ARHGAP20: variants seen among roughly 807,000 people sequenced by gnomAD.
ARHGAP20 encodes rho GTPase-activating protein 20.
ARHGAP20 carries 34 observed loss-of-function variants against 73.7 expected under a neutral mutation model. The observed-to-expected ratio is 0.46, with a 90% CI of 0.35 to 0.61. ARHGAP20 has a LOEUF of 0.61. Ranked by LOEUF, ARHGAP20 falls within the 20% of genes least tolerant of loss-of-function variation. The probability of loss-of-function intolerance (pLI) is 0.00; values close to 1 mark genes in which losing one functional copy is unlikely to be tolerated. For missense variants in ARHGAP20, 1,314 were observed against 1,420.9 expected (o/e 0.92, Z 1.21); for synonymous variants, 523 against 518.2 (o/e 1.01, Z -0.13).
rs142391729 is a variant in ARHGAP20, at chr11:110,703,146, T to C, written c.105+8981A>G. On this transcript the variant is annotated intron_variant, in intron 1 of 14. Coordinates refer to ENST00000683387, the MANE Select transcript of ARHGAP20 (RefSeq NM_001384657.1). ...GGTCTGTGATAAATATGATCTTCTA[T>C]TTACCCATAAATCATCCCAACCAGG... is the stretch of plus-strand genomic sequence containing the variant. 2.6e-3 allele frequency among the ~76,000 whole-genome samples: 403 copies of C among 152,242 alleles called. 1 individual carries two copies. The highest frequency in any genetic ancestry group is 9.3e-3 in the African/African-American group (388 of 41,556).
intron 8 of ARHGAP20, among the ~76,000 whole-genome samples, chr11:110,607,430 C>A (rs1244453805): frequency 6.6e-6 from 1 of 152,064 alleles, no homozygotes; most frequent in Non-Finnish European, 1.5e-5. Context: ...AAAACTAAAC[C>A]CTGGACATCT....
intron 1 of ARHGAP20, among the ~76,000 whole-genome samples, chr11:110,692,273 C>A (rs1396905283): frequency 6.6e-6 from 1 of 152,098 alleles, no homozygotes; most frequent in Admixed American, 6.6e-5. Context: ...TGTGAAGAGT[C>A]TCAATACTGA....
intron 2 of ARHGAP20, among the ~76,000 whole-genome samples, chr11:110,685,830 A>G (rs935901060): frequency 6.6e-6 from 1 of 152,196 alleles, no homozygotes; most frequent in Non-Finnish European, 1.5e-5. Context: ...GTCAATAAAT[A>G]AAACACTATT....
At chr11:110,662,355 A>G (rs1784808736) in intron 2 of ARHGAP20, among the ~76,000 whole-genome samples, 1 of 151,978 alleles carries the variant, frequency 6.6e-6, no homozygotes, top group African/African-American at 2.4e-5. Flanking sequence ...AATAAAATTA[A>G]AACAAATTAA....
chr11:110,600,408 C>CGTG (rs1948081994), intron 9 of ARHGAP20, among the ~76,000 whole-genome samples: 1 of 152,216 alleles, frequency 6.6e-6, no homozygotes, highest in African/African-American at 2.4e-5. Flanking sequence ...TCACAGACAG[C>CGTG]CAGCACCCAT....
In ARHGAP20 at chr11:110,614,398, A is replaced by C. The variant is rs1376592084; in HGVS notation, c.630+163T>G. On this transcript the variant is annotated intron_variant, in intron 6 of 14. Coordinates refer to ENST00000683387, the MANE Select transcript of ARHGAP20 (RefSeq NM_001384657.1). The stretch of plus-strand genomic sequence containing the variant: ...TTCATATATATGAAGACATACATAT[A>C]ACCAGGAAAATGCATTTTCCCCCTG... Among the ~76,000 whole-genome samples the C allele has an allele frequency of 1.3e-5, 2 of 152,200 alleles. 1 individual carries two copies. Among genetic ancestry groups the C allele is most frequent in the Non-Finnish European group, 2.9e-5 (2 of 68,032 alleles).
At chr11:110,615,011 G>T (rs1348496794) in intron 5 of ARHGAP20, among the ~76,000 whole-genome samples, 2 of 152,160 alleles carry the variant, frequency 1.3e-5, no homozygotes, top group Non-Finnish European at 2.9e-5. Flanking sequence ...CCAAAGCAAT[G>T]ACCTTGTACT....
chr11:110,687,105 C>CAT (rs1300191780), intron 2 of ARHGAP20, among the ~76,000 whole-genome samples: 5 of 148,344 alleles, frequency 3.4e-5, no homozygotes, highest in African/African-American at 1.3e-4. Context: ...CACACACACA[C>CAT]ATATATTTTA....
At chr11:110,712,004 A>G in intron 1 of ARHGAP20, 123 bp downstream of exon 1, 6 of 1,239,450 alleles carry the variant, frequency 4.8e-6, no homozygotes, top group South Asian at 4.0e-5. Context: ...AGGGGCCGCG[A>G]GCCTCGAGCG....
intron 1 of ARHGAP20, among the ~76,000 whole-genome samples, chr11:110,698,522 T>G (rs1174478313): frequency 1.3e-5 from 2 of 151,862 alleles, no homozygotes; most frequent in African/African-American, 4.8e-5. Context: ...TTTGATAAAA[T>G]TCAACTGTGA....
At chr11:110,650,032 T>C (rs1389383902) in intron 2 of ARHGAP20, among the ~76,000 whole-genome samples, 1 of 152,196 alleles carries the variant, frequency 6.6e-6, no homozygotes, top group African/African-American at 2.4e-5. Flanking sequence ...AAAATCTCTG[T>C]GTCCCTGGTA....
chr11:110,606,978 A>C (rs564784336), intron 8 of ARHGAP20, among the ~76,000 whole-genome samples: 1 of 152,230 alleles, frequency 6.6e-6, no homozygotes, highest in East Asian at 1.9e-4. Flanking sequence ...AAAATCTTTA[A>C]AGATTATCTT....
rs1949584424 is a variant in ARHGAP20, at chr11:110,660,434, TTTGTTC to T, written c.189-29648_189-29643del. Among the ~76,000 whole-genome samples, 3 of 152,302 alleles carry T rather than the reference TTTGTTC, an allele frequency of 2.0e-5. No individual in the cohort carries two copies. In the South Asian group the frequency reaches 6.2e-4, roughly 32 times the overall value. Reference sequence around the variant, plus strand: ...TAAGCCATGTGCTGAAAAAAGATGATTTGTTCTTCCAACAGTTTTCAAAAGGGGTTG... The same window carrying T: ...TAAGCCATGTGCTGAAAAAAGATGATTTCCAACAGTTTTCAAAAGGGGTTG... On this transcript the variant is annotated intron_variant, in intron 2 of 14. Coordinates refer to ENST00000683387, the MANE Select transcript of ARHGAP20 (RefSeq NM_001384657.1).
intron 2 of ARHGAP20, among the ~76,000 whole-genome samples, chr11:110,635,428 C>T (rs1004581408): frequency 1.3e-5 from 2 of 152,134 alleles, no homozygotes; most frequent in Non-Finnish European, 2.9e-5. Flanking sequence ...ATTAGATCAA[C>T]TCTCTTCATT....
chr11:110,598,049 T>C (rs1948014155), intron 9 of ARHGAP20, among the ~76,000 whole-genome samples: 1 of 152,214 alleles, frequency 6.6e-6, no homozygotes, highest in East Asian at 1.9e-4. Context: ...TTAAATTAGA[T>C]AATTGAATGT....
intron 2 of ARHGAP20, among the ~76,000 whole-genome samples, chr11:110,639,708 T>A (rs34435146): frequency 6.6e-6 from 1 of 152,040 alleles, no homozygotes; most frequent in African/African-American, 2.4e-5. Context: ...TCATGTATGG[T>A]TTCTTTCCAT....
chr11:110,712,048 T>G, intron 1 of ARHGAP20, 79 bp downstream of exon 1: 1 of 1,245,478 alleles, frequency 8.0e-7, no homozygotes, highest in South Asian at 3.8e-5. Flanking sequence ...AGCGCGCTGC[T>G]GTGGCGGGCG....
In ARHGAP20 at chr11:110,623,822, C is replaced by T. The variant is rs141722428; in HGVS notation, c.503+340G>A. 2.4e-3 allele frequency among the ~76,000 whole-genome samples: 360 copies of T among 151,854 alleles called. 2 individuals carry two copies. The highest frequency in any genetic ancestry group is 5.4e-3 in the Admixed American group (82 of 15,258). ...CTAAAGATGGGACTACTCTATTCCC[C>T]TTCCATATTCCTGGAAGTTCCTGTT... On this transcript the variant is annotated intron_variant, in intron 4 of 14. Transcript: ENST00000683387.
intron 2 of ARHGAP20, among the ~76,000 whole-genome samples, chr11:110,644,105 AG>A (rs1202473440): frequency 6.6e-6 from 1 of 151,998 alleles, no homozygotes; most frequent in African/African-American, 2.4e-5. Flanking sequence ...TTAACCAAGG[AG>A]GTGAGAGAAC....
Sources: gnomAD v4.1 joint callset for allele counts (sites outside exome capture counted in the v4.1 genomes callset) on GRCh38, gnomAD v4.1.1 for gene constraint, MANE v1.5 for transcripts, NCBI Gene and HGNC (gene_info 2026-07-23, HGNC 2026-07-21) for gene names.